Variants in TREM1 observed in about 807,000 individuals in gnomAD.
TREM1 encodes the protein triggering receptor expressed on monocytes 1.
In TREM1, 16 loss-of-function variants were observed where a neutral mutation model predicts 22.4. The observed-to-expected ratio is 0.71, with a 90% CI of 0.48 to 1.08. TREM1 has a LOEUF of 1.08. Among genes scored for constraint, TREM1 ranks in the 50% least tolerant of loss-of-function variants. The pLI is 0.00. For synonymous variants in TREM1, 110 were observed against 111.6 expected (o/e 0.99, Z 0.09); for missense variants, 283 against 282.9 (o/e 1.00, Z 0.00).
chr6:41,278,157 C>T (rs564055151), intron 3 of TREM1, among the ~76,000 whole-genome samples: 2 of 151,832 alleles, frequency 1.3e-5, no homozygotes, highest in East Asian at 3.9e-4. Flanking sequence ...AATTCCTGGG[C>T]TCAAGTGATT....
intron 3 of TREM1, among the ~76,000 whole-genome samples, chr6:41,277,289 G>A (rs987048404): frequency 6.6e-6 from 1 of 151,496 alleles, no homozygotes; most frequent in Non-Finnish European, 1.5e-5. Context: ...CTGACTTGTA[G>A]CACAGGGGAC....
intron 1 of TREM1, among the ~76,000 whole-genome samples, chr6:41,283,558 A>G (rs1244196341): frequency 6.6e-6 from 1 of 152,128 alleles, no homozygotes; most frequent in Non-Finnish European, 1.5e-5. Context: ...AAAAATACAA[A>G]AAAATTAGCC....
rs903452367 is a variant in TREM1 at position 41,282,642 on chromosome 6, T to C, written c.159A>G (p.Lys53=). The C allele has an allele frequency of 1.2e-6, 2 of 1,614,100 alleles. No homozygotes were observed. Among genetic ancestry groups the C allele is most frequent in the Admixed American group, 1.7e-5 (1 of 60,002 alleles). The change falls in exon 2 of 4, where the codon AAA becomes AAG. Residue 53 remains lysine (K), a synonymous_variant. Coordinates refer to ENST00000244709, the MANE Select transcript of TREM1 (RefSeq NM_018643.5). ...CTCCGTCCCTTATTATCTGCCAAGC[T>C]TTCTGGCTGCTGGCAAACTTCTCTA... is the stretch of plus-strand genomic sequence containing the variant. ...YTLEKFASSQ[K]AWQIIRDGEM...
At chr6:41,281,344 A>G (rs766107004) in intron 2 of TREM1, 191 bp from the exon 3 acceptor site, 66 of 660,580 alleles carry the variant, frequency 1.0e-4, no homozygotes, top group Non-Finnish European at 1.5e-4. Context: ...GCTAAAGCCA[A>G]AGAAATACTG....
intron 3 of TREM1, among the ~76,000 whole-genome samples, chr6:41,279,185 T>G (rs577335056): frequency 1.2e-4 from 18 of 152,262 alleles, no homozygotes; most frequent in African/African-American, 4.3e-4. Flanking sequence ...ACCTTAGCCT[T>G]TAGTTAGCCA....
intron 3 of TREM1, chr6:41,280,745 G>A: frequency 6.9e-7 from 1 of 1,439,824 alleles, no homozygotes; most frequent in African/African-American, 1.4e-5. Context: ...AACAAAGAAG[G>A]TGAACTGGGG....
chr6:41,279,534 TA>T (rs1193203494), intron 3 of TREM1: 1 of 985,268 alleles, frequency 1.0e-6, no homozygotes, highest in Non-Finnish European at 1.2e-6. Context: ...AATTGACTCT[TA>T]GTAGATCATT....
In TREM1 at chr6:41,273,735, A is replaced by C. The variant is rs886688098; in HGVS notation, c.*2390T>G. 6.6e-5 allele frequency among the ~76,000 whole-genome samples: 10 copies of C among 152,192 alleles called. No individual in the cohort carries two copies. Among genetic ancestry groups the C allele is most frequent in the African/African-American group, 2.2e-4 (9 of 41,446 alleles). On this transcript the variant is annotated 3_prime_UTR_variant, in exon 4 of 4. Transcript: ENST00000244709. ...CACTGCTGGGCCTACAGAGGAGAGG[A>C]TGGAACAGGTGGCTGGACTTGGAGA... is the stretch of plus-strand genomic sequence containing the variant.
downstream of TREM1, among the ~76,000 whole-genome samples, chr6:41,272,064 ACG>A (rs1195502777): frequency 6.6e-6 from 1 of 152,144 alleles, no homozygotes; most frequent in Non-Finnish European, 1.5e-5. Flanking sequence ...TGCCCCACAT[ACG>A]CGGTCACCAT....
At chr6:41,280,735 A>T (rs1767872641) in intron 3 of TREM1, 1 of 1,438,174 alleles carries the variant, frequency 7.0e-7, no homozygotes, top group African/African-American at 1.4e-5. Context: ...GTTGCAAGGA[A>T]ACAAAGAAGG....
In TREM1 at chr6:41,282,306, G is replaced by A. The variant is rs536370238; in HGVS notation, c.406+89C>T. The A allele has an allele frequency of 1.2e-5, 13 of 1,044,784 alleles. No homozygotes were observed. The South Asian group carries it at 1.8e-4, about 15-fold the overall frequency. The allele number at this position is 1,044,784 out of a possible 1,614,324, so 64.7% of individuals were successfully genotyped here. ...TCCTGGGAGGAAGACAGACTGCTGG[G>A]AATCCTGAACCCCAGCTCTGCTGAT... On this transcript the variant is annotated intron_variant, in intron 2 of 3. Transcript: ENST00000244709.
chr6:41,281,835 C>A lies in TREM1; in HGVS notation c.406+560G>T, dbSNP rs376095172. 10 of 159,492 alleles carry A rather than the reference C, an allele frequency of 6.3e-5. No individual in the cohort carries two copies. The South Asian group carries it at 1.7e-3, about 27-fold the overall frequency. The allele number at this position is 159,492 out of a possible 1,614,324, so 9.9% of individuals were successfully genotyped here. ...ATGAATAGGGTACAGATAAGTAAAC[C>A]CCCCTCTCCTATCCAGTGAGTAGAG... On this transcript the variant is annotated intron_variant, in intron 2 of 3. Coordinates refer to ENST00000244709, the MANE Select transcript of TREM1 (RefSeq NM_018643.5).
Position 41,273,801 on chromosome 6 carries a change from G to C in TREM1, c.*2324C>G, listed in dbSNP as rs1197511982. 6.6e-6 allele frequency among the ~76,000 whole-genome samples: 1 copy of C among 152,080 alleles called. No individual in the cohort carries two copies. The highest frequency in any genetic ancestry group is 1.5e-5 in the Non-Finnish European group (1 of 68,010). On this transcript the variant is annotated 3_prime_UTR_variant, in exon 4 of 4. Transcript: ENST00000244709. ...GAGAGGCTTGAAGGAGCCTTCAGAG[G>C]GGAATGCAGCCACTCCTGCCACCAC...
chr6:41,268,427 A>C (rs1054934952), intron 3 of TREM1, among the ~76,000 whole-genome samples: 1 of 152,202 alleles, frequency 6.6e-6, no homozygotes, highest in African/African-American at 2.4e-5. Flanking sequence ...TGTCTTTTTT[A>C]AGACTTAAAT....
intron 1 of TREM1, among the ~76,000 whole-genome samples, chr6:41,284,895 C>T (rs554804211): frequency 6.6e-6 from 1 of 152,322 alleles, no homozygotes; most frequent in Admixed American, 6.5e-5. Context: ...TTGGGCAACT[C>T]CCACACACTC....
intron 3 of TREM1, chr6:41,280,737 C>T: frequency 7.0e-7 from 1 of 1,438,750 alleles, no homozygotes; most frequent in Non-Finnish European, 9.1e-7. Context: ...TGCAAGGAAA[C>T]AAAGAAGGTG....
chr6:41,268,046 T>C, exon 4 of TREM1: 1 of 398,620 alleles, frequency 2.5e-6, no homozygotes, highest in Non-Finnish European at 4.4e-6. Context: ...GAGGATGGGA[T>C]TCCACATCCA....
chr6:41,270,253 T>C (rs1043049452), downstream of TREM1: 5 of 152,334 alleles, frequency 3.3e-5, no homozygotes, highest in Non-Finnish European at 7.3e-5. Flanking sequence ...AGCACTTCAC[T>C]GAGCAAACAT....
At chr6:41,284,376 T>C (rs369824784) in intron 1 of TREM1, among the ~76,000 whole-genome samples, 1 of 152,276 alleles carries the variant, frequency 6.6e-6, no homozygotes, top group East Asian at 1.9e-4. Context: ...ATAGTTTCCA[T>C]CACATTCTTG....
Sources: gnomAD v4.1 joint callset for allele counts (sites outside exome capture counted in the v4.1 genomes callset) on GRCh38, gnomAD v4.1.1 for gene constraint, MANE v1.5 for transcripts, NCBI Gene and HGNC (gene_info 2026-07-23, HGNC 2026-07-21) for gene names.